The following TNS3 variants were observed in gnomAD, a reference collection of about 807,000 sequenced individuals.
TNS3 encodes tensin-3.
In TNS3, 45 loss-of-function variants were observed where a neutral mutation model predicts 140.9. The observed-to-expected ratio is 0.32, with a 90% CI of 0.25 to 0.41. The LOEUF is 0.41. Among genes scored for constraint, TNS3 ranks in the 10% least tolerant of loss-of-function variants. The probability of loss-of-function intolerance (pLI) is 1.00; values close to 1 mark genes in which losing one functional copy is unlikely to be tolerated. For synonymous variants in TNS3, 815 were observed against 788.4 expected (o/e 1.03, Z -0.56); for missense variants, 1,716 against 1,906.7 (o/e 0.90, Z 1.86).
intron 3 of TNS3, among the ~76,000 whole-genome samples, chr7:47,484,312 G>GT (rs1254729530): frequency 5.3e-5 from 8 of 152,214 alleles, no homozygotes; most frequent in African/African-American, 1.9e-4. Context: ...ATTTCTATAA[G>GT]TACAAACATC....
chr7:47,360,311 C>T (rs537947245), intron 17 of TNS3, among the ~76,000 whole-genome samples: 10 of 152,246 alleles, frequency 6.6e-5, no homozygotes, highest in African/African-American at 2.4e-4. Flanking sequence ...AGTCCTGACC[C>T]CTGGGCAGGA....
chr7:47,288,744 A>C (rs1440265578), intron 27 of TNS3, among the ~76,000 whole-genome samples: 1 of 152,188 alleles, frequency 6.6e-6, no homozygotes, highest in Non-Finnish European at 1.5e-5. Flanking sequence ...CTTCCCAGGA[A>C]AGGCCATTCC....
chr7:47,336,568 G>C (rs1042798740), intron 20 of TNS3, among the ~76,000 whole-genome samples: 2 of 152,154 alleles, frequency 1.3e-5, no homozygotes, highest in Admixed American at 1.3e-4. Context: ...GAGAAGGGTG[G>C]GTGAAGGATG....
intron 16 of TNS3, chr7:47,396,474 G>A (rs752085118): frequency 1.3e-5 from 4 of 298,122 alleles, no homozygotes; most frequent in African/African-American, 4.4e-5. Context: ...TATGCAAAAC[G>A]GAAGGGACGG....
chr7:47,355,626 G>C (rs1789950449), intron 17 of TNS3, among the ~76,000 whole-genome samples: 1 of 152,162 alleles, frequency 6.6e-6, no homozygotes, highest in Admixed American at 6.5e-5. Flanking sequence ...GCCAGAAAAT[G>C]TTTTTTAAAT....
chr7:47,567,511 C>G (rs567018130), intron 1 of TNS3, among the ~76,000 whole-genome samples: 1 of 151,896 alleles, frequency 6.6e-6, no homozygotes, highest in Non-Finnish European at 1.5e-5. Context: ...GGTGAAACCC[C>G]GTCTCTACTA....
chr7:47,359,035 C>A (rs1232377444), intron 17 of TNS3, among the ~76,000 whole-genome samples: 1 of 152,190 alleles, frequency 6.6e-6, no homozygotes, highest in Non-Finnish European at 1.5e-5. Context: ...AGCAACCCCT[C>A]TCCTGGGTAA....
chr7:47,452,268 GGTAA>G (rs1796048926), intron 4 of TNS3, among the ~76,000 whole-genome samples: 1 of 152,090 alleles, frequency 6.6e-6, no homozygotes, highest in Non-Finnish European at 1.5e-5. Flanking sequence ...GCTCAGAGAG[GGTAA>G]GTGATTTTCC....
intron 4 of TNS3, among the ~76,000 whole-genome samples, chr7:47,445,875 T>C (rs1795703790): frequency 6.6e-6 from 1 of 152,218 alleles, no homozygotes; most frequent in Admixed American, 6.5e-5. Flanking sequence ...AAGTCTTTAT[T>C]TGAAAGTAAA....
At chr7:47,422,206 G>A (rs1446848939) in intron 10 of TNS3, among the ~76,000 whole-genome samples, 1 of 152,192 alleles carries the variant, frequency 6.6e-6, no homozygotes, top group Non-Finnish European at 1.5e-5. Flanking sequence ...AATCTCAGGA[G>A]CAGAGGGATT....
chr7:47,351,382 C>T (rs1296738203), intron 17 of TNS3, among the ~76,000 whole-genome samples: 1 of 152,012 alleles, frequency 6.6e-6, no homozygotes, highest in Admixed American at 6.6e-5. Context: ...TTATGCTTCC[C>T]AGAGGTTACA....
At chr7:47,569,108 G>C (rs17659046) in intron 1 of TNS3, among the ~76,000 whole-genome samples, 1 of 152,052 alleles carries the variant, frequency 6.6e-6, no homozygotes, top group African/African-American at 2.4e-5. Context: ...AGTGTCTTAC[G>C]TGCACTCAGT....
At position 47,439,667 on chromosome 7, in the gene TNS3, G is replaced by C. The variant is rs758043480; in HGVS notation, c.-22-9C>G. 2 of 1,613,158 alleles carry C rather than the reference G, an allele frequency of 1.2e-6. No homozygotes were observed. Among genetic ancestry groups the C allele is most frequent in the Non-Finnish European group, 1.7e-6 (2 of 1,179,690 alleles). ...GACTCAGGATGACGGGCCTGCGAGA[G>C]AGCAGTGGGCAGATCAGAAACAGGG... On this transcript the variant is annotated splice_polypyrimidine_tract_variant and intron_variant, in intron 5 of 30. Coordinates refer to ENST00000311160, the MANE Select transcript of TNS3 (RefSeq NM_022748.12).
At chr7:47,530,838 A>AAAAAAAAAATATATATATATATATAT in intron 1 of TNS3, among the ~76,000 whole-genome samples, 1 of 54,566 alleles carries the variant, frequency 1.8e-5, no homozygotes, top group Non-Finnish European at 3.3e-5. Flanking sequence ...AAAAAAAAAA[A>AAAAAAAAAATATATATATATATATAT]ATATATATAT....
At chr7:47,359,603 G>T (rs1437404181) in intron 17 of TNS3, among the ~76,000 whole-genome samples, 1 of 152,050 alleles carries the variant, frequency 6.6e-6, no homozygotes, top group Admixed American at 6.6e-5. Context: ...TAAACCTGAG[G>T]GATGATTTCT....
intron 1 of TNS3, among the ~76,000 whole-genome samples, chr7:47,547,902 C>T (rs1418639273): frequency 3.9e-5 from 6 of 152,194 alleles, no homozygotes; most frequent in African/African-American, 1.2e-4. Flanking sequence ...GCCACCCTGG[C>T]TCTCATTCTC....
At chr7:47,320,501 TG>T (rs1458276057) in intron 20 of TNS3, among the ~76,000 whole-genome samples, 5 of 152,212 alleles carry the variant, frequency 3.3e-5, no homozygotes, top group African/African-American at 1.2e-4. Flanking sequence ...GTCTAGCAGC[TG>T]GAAGTCCAAG....
At chr7:47,343,418 G>T (rs1161795383) in intron 20 of TNS3, among the ~76,000 whole-genome samples, 1 of 152,160 alleles carries the variant, frequency 6.6e-6, no homozygotes. Flanking sequence ...ATTTCCTCAG[G>T]CTTATTACCC....
At chr7:47,349,691 G>A (rs924589043) in intron 17 of TNS3, among the ~76,000 whole-genome samples, 4 of 152,260 alleles carry the variant, frequency 2.6e-5, no homozygotes, top group South Asian at 4.1e-4. Context: ...CCTTCCTCTC[G>A]GACTGCAAAC....
Sources: allele counts gnomAD v4.1 joint callset (sites outside exome capture counted in the v4.1 genomes callset), GRCh38; gene constraint gnomAD v4.1.1; transcripts MANE v1.5; gene names NCBI Gene and HGNC (gene_info 2026-07-23, HGNC 2026-07-21).